Variants in PSD3 observed in about 807,000 individuals in gnomAD.
PSD3 encodes the protein pleckstrin and Sec7 domain containing 3.
Under a neutral mutation model 105.5 loss-of-function variants are expected in PSD3, and 49 were observed. The observed-to-expected ratio is 0.46, with a 90% CI of 0.37 to 0.59. The LOEUF is 0.59. Ranked by LOEUF, PSD3 falls within the 20% of genes least tolerant of loss-of-function variation. The pLI, the probability that PSD3 is intolerant of heterozygous loss-of-function variation, is 0.00. For synonymous variants in PSD3, 557 were observed against 457.8 expected (o/e 1.22, Z -2.77); for missense variants, 1,561 against 1,263.8 (o/e 1.24, Z -3.57).
rs74642853 is a variant in PSD3 at position 18,737,509 on chromosome 8, T to A, written c.2172+27940A>T. On this transcript the variant is annotated intron_variant, in intron 9 of 15. Transcript: ENST00000327040. ...GTAGAGATGGAGTGTTGCCATGTTG[T>A]CCAGGCTGGTTTCAAACTCTTGACC... is the stretch of plus-strand genomic sequence containing the variant. 2.5e-3 allele frequency among the ~76,000 whole-genome samples: 382 copies of A among 152,190 alleles called. 2 individuals are homozygous for A. Among genetic ancestry groups the A allele is most frequent in the Non-Finnish European group, 4.4e-3 (299 of 68,000 alleles).
At chr8:18,537,054 A>C (rs1799885773) in intron 15 of PSD3, among the ~76,000 whole-genome samples, 1 of 152,154 alleles carries the variant, frequency 6.6e-6, no homozygotes, top group Non-Finnish European at 1.5e-5. Context: ...TAAGTTAGTA[A>C]TTTAGAAGTG....
intron 9 of PSD3, among the ~76,000 whole-genome samples, chr8:18,765,059 T>C (rs1038033478): frequency 2.0e-5 from 3 of 152,186 alleles, no homozygotes; most frequent in Admixed American, 2.0e-4. Flanking sequence ...GCTCTGAGAC[T>C]AGGGATTGAA....
chr8:19,071,969 C>T (rs1273560325), intron 1 of PSD3, among the ~76,000 whole-genome samples: 1 of 152,212 alleles, frequency 6.6e-6, no homozygotes, highest in Non-Finnish European at 1.5e-5. Context: ...CTCGGCCTCC[C>T]AAAGTGCTGG....
At chr8:18,648,521 T>C (rs1209918963) in intron 10 of PSD3, among the ~76,000 whole-genome samples, 4 of 152,232 alleles carry the variant, frequency 2.6e-5, no homozygotes, top group African/African-American at 4.8e-5. Context: ...TAACAACCTA[T>C]GCTTATATGT....
chr8:18,910,765 G>C (rs147970696), intron 2 of PSD3, among the ~76,000 whole-genome samples: 353 of 151,846 alleles, frequency 2.3e-3, no homozygotes, highest in African/African-American at 8.1e-3. Flanking sequence ...AGCTAGATGG[G>C]AAAAATCATA....
chr8:18,823,537 C>T (rs1431343820), intron 4 of PSD3, among the ~76,000 whole-genome samples: 1 of 152,082 alleles, frequency 6.6e-6, no homozygotes, highest in Non-Finnish European at 1.5e-5. Context: ...CACAAGAGAT[C>T]CTGAATTCCG....
intron 1 of PSD3, among the ~76,000 whole-genome samples, chr8:18,959,366 C>G (rs183637263): frequency 6.9e-4 from 105 of 152,254 alleles, no homozygotes; most frequent in Admixed American, 3.9e-3. Flanking sequence ...CCTGGGGAAT[C>G]CATTCTCCAG....
intron 8 of PSD3, among the ~76,000 whole-genome samples, chr8:18,796,130 T>C (rs1216995430): frequency 1.3e-5 from 2 of 151,920 alleles, no homozygotes; most frequent in Non-Finnish European, 2.9e-5. Context: ...GAAAATGATA[T>C]ATCAGTCACA....
At chr8:19,034,305 G>A (rs769480373) in intron 1 of PSD3, among the ~76,000 whole-genome samples, 2 of 152,138 alleles carry the variant, frequency 1.3e-5, no homozygotes, top group South Asian at 2.1e-4. Context: ...TATAGAAAAG[G>A]TTAAAGGATT....
chr8:18,778,312 A>AT (rs1808286358), intron 8 of PSD3, among the ~76,000 whole-genome samples: 1 of 152,110 alleles, frequency 6.6e-6, no homozygotes. Context: ...GTGTACACTG[A>AT]TTTTTTACCT....
intron 3 of PSD3, 60 bp downstream of exon 3, chr8:18,871,565 TA>T (rs990877027): frequency 2.0e-6 from 3 of 1,518,760 alleles, no homozygotes; most frequent in Admixed American, 2.2e-5. Context: ...AAGTACAGGA[TA>T]ACAGTTTTCT....
chr8:18,838,992 C>A (rs1332600029), intron 4 of PSD3, among the ~76,000 whole-genome samples: 1 of 151,660 alleles, frequency 6.6e-6, no homozygotes, highest in East Asian at 1.9e-4. Flanking sequence ...GAGGAAAAGG[C>A]TTATCATACA....
In PSD3 at chr8:18,572,666, T is replaced by G; in HGVS notation, c.2646A>C (p.Pro882=). Residue 882 remains proline, a synonymous_variant, in exon 14 of 16, where the codon CCA becomes CCC. Transcript: ENST00000327040. ...TGTTTATCCACCCTTGCATTTCCTC[T>G]GGGCTCCTATGAGAAATAGATATGT... ...WRVLLFQTQS[P]EEMQGWINKI... 1.9e-6 allele frequency: 3 copies of G among 1,613,858 alleles called. No homozygotes were observed. The highest frequency in any genetic ancestry group is 2.5e-6 in the Non-Finnish European group (3 of 1,179,800).
intron 2 of PSD3, among the ~76,000 whole-genome samples, chr8:18,927,669 C>T (rs1449658332): frequency 6.6e-6 from 1 of 152,200 alleles, no homozygotes; most frequent in Non-Finnish European, 1.5e-5. Flanking sequence ...TACTTAGTTT[C>T]CCTGAACACA....
At chr8:18,703,189 G>A (rs1230666239) in intron 9 of PSD3, among the ~76,000 whole-genome samples, 4 of 152,094 alleles carry the variant, frequency 2.6e-5, no homozygotes, top group African/African-American at 4.8e-5. Flanking sequence ...GCCTCGTCAC[G>A]AGGGCTTTTC....
intron 4 of PSD3, among the ~76,000 whole-genome samples, chr8:18,852,742 A>G (rs1225685906): frequency 4.6e-5 from 7 of 152,202 alleles, no homozygotes; most frequent in African/African-American, 1.7e-4. Context: ...GCTTGCCCAC[A>G]ACTTCAAATT....
intron 10 of PSD3, among the ~76,000 whole-genome samples, chr8:18,651,398 T>A (rs1365020640): frequency 6.6e-6 from 1 of 152,262 alleles, no homozygotes; most frequent in African/African-American, 2.4e-5. Flanking sequence ...TTCCATGCAT[T>A]ATCCTACAAA....
At chr8:18,676,872 T>A (rs1315385897) in intron 9 of PSD3, among the ~76,000 whole-genome samples, 1 of 152,210 alleles carries the variant, frequency 6.6e-6, no homozygotes, top group African/African-American at 2.4e-5. Context: ...AAGCCCTGAT[T>A]TGAAAGCCTC....
chr8:18,920,746 T>C (rs1820956817), intron 2 of PSD3, among the ~76,000 whole-genome samples: 1 of 152,154 alleles, frequency 6.6e-6, no homozygotes, highest in African/African-American at 2.4e-5. Context: ...TGTGGTACTA[T>C]CCCAGGGACT....
Sources: gnomAD v4.1 joint callset for allele counts (sites outside exome capture counted in the v4.1 genomes callset) on GRCh38, gnomAD v4.1.1 for gene constraint, MANE v1.5 for transcripts, NCBI Gene and HGNC (gene_info 2026-07-23, HGNC 2026-07-21) for gene names.